Variants in ABLIM1 observed in about 807,000 individuals in gnomAD.
ABLIM1 encodes actin-binding LIM protein 1.
In ABLIM1, 40 loss-of-function variants were observed where a neutral mutation model predicts 107.0. That is an observed-to-expected ratio of 0.37 (90% confidence interval 0.29 to 0.49). The LOEUF is 0.49. Ranked by LOEUF, ABLIM1 falls within the 20% of genes least tolerant of loss-of-function variation. The pLI is 0.97. For synonymous variants in ABLIM1, 357 were observed against 357.3 expected (o/e 1.00, Z 0.01); for missense variants, 857 against 1,008.5 (o/e 0.85, Z 2.04).
intron 11 of ABLIM1, among the ~76,000 whole-genome samples, chr10:114,466,560 G>C (rs983576959): frequency 6.6e-6 from 1 of 152,082 alleles, no homozygotes; most frequent in African/African-American, 2.4e-5. Flanking sequence ...AGTTGGTATG[G>C]GCAGAGCCTG....
chr10:114,448,058 G>C, intron 14 of ABLIM1, 38 bp from the exon 15 acceptor site: 3 of 1,613,172 alleles, frequency 1.9e-6, no homozygotes, highest in Non-Finnish European at 2.5e-6. Context: ...CTTAGCTATT[G>C]GTCTGTAAGA....
At chr10:114,558,119 G>T (rs1295134112) in intron 4 of ABLIM1, among the ~76,000 whole-genome samples, 1 of 152,094 alleles carries the variant, frequency 6.6e-6, no homozygotes, top group Non-Finnish European at 1.5e-5. Context: ...TCTGTGCAGC[G>T]AGCAGCGGGA....
chr10:114,454,236 T>C (rs1198734340), intron 12 of ABLIM1, among the ~76,000 whole-genome samples: 4 of 152,116 alleles, frequency 2.6e-5, no homozygotes, highest in East Asian at 3.9e-4. Context: ...GAATGAGATA[T>C]AGTCCCTGCC....
intron 6 of ABLIM1, among the ~76,000 whole-genome samples, chr10:114,530,647 C>T (rs970384060): frequency 3.3e-5 from 5 of 152,114 alleles, no homozygotes. Flanking sequence ...AATTCTCGTG[C>T]CTCAGCCTCC....
intron 1 of ABLIM1, among the ~76,000 whole-genome samples, chr10:114,645,983 A>C (rs1196181936): frequency 1.3e-5 from 2 of 152,176 alleles, no homozygotes; most frequent in African/African-American, 2.4e-5. Context: ...ATTCAACCAA[A>C]GATTGTGCTA....
intron 6 of ABLIM1, among the ~76,000 whole-genome samples, chr10:114,510,538 T>G (rs964629923): frequency 6.6e-6 from 1 of 152,090 alleles, no homozygotes; most frequent in South Asian, 2.1e-4. Flanking sequence ...CTAATGGGCG[T>G]TGAACACATA....
chr10:114,792,621 C>T, the ABLIM1 span, among the ~76,000 whole-genome samples: 1 of 152,172 alleles, frequency 6.6e-6, no homozygotes, highest in Non-Finnish European at 1.5e-5. Flanking sequence ...TGGGATTCTC[C>T]TCTTCTCCTT....
intron 1 of ABLIM1, among the ~76,000 whole-genome samples, chr10:114,676,728 A>G (rs992617808): frequency 6.6e-6 from 1 of 151,992 alleles, no homozygotes; most frequent in Non-Finnish European, 1.5e-5. Flanking sequence ...AATCATATGT[A>G]TATAAAATCA....
chr10:114,769,268 T>C (rs114226155), upstream of ABLIM1, among the ~76,000 whole-genome samples: 862 of 147,582 alleles, frequency 5.8e-3, 10 homozygotes, highest in African/African-American at 0.015. Context: ...TGAGAATCGC[T>C]TGAGGTGGAG....
At chr10:114,792,417 T>C in the ABLIM1 span, among the ~76,000 whole-genome samples, 2 of 152,198 alleles carry the variant, frequency 1.3e-5, no homozygotes, top group Non-Finnish European at 2.9e-5. Context: ...TTTATTTCCT[T>C]CTTGATTATT....
Position 114,763,780 on chromosome 10 carries a change from A to G in ABLIM1, c.-213+4281T>C, listed in dbSNP as rs542991460. On this transcript the variant is annotated intron_variant, in intron 1 of 15. Coordinates refer to the ABLIM1 transcript ENST00000651092. ...CATTAGAGAAAATAAGCTCTAATTC[A>G]ATGGCTCCCAAGTCTGCCTGTACAT... Among the ~76,000 whole-genome samples the G allele has an allele frequency of 6.4e-4, 98 of 152,342 alleles. 3 individuals are homozygous for G. In the South Asian group the frequency reaches 0.019, roughly 30 times the overall value.
intron 1 of ABLIM1, chr10:114,632,194 C>T (rs2078232574): frequency 1.0e-6 from 1 of 985,328 alleles, no homozygotes; most frequent in African/African-American, 1.7e-5. Context: ...CGGCTGAAAC[C>T]ACTCGCTACA....
chr10:114,654,760 T>A (rs1164371818), intron 1 of ABLIM1, among the ~76,000 whole-genome samples: 1 of 152,210 alleles, frequency 6.6e-6, no homozygotes, highest in Non-Finnish European at 1.5e-5. Flanking sequence ...GGATGGGGAA[T>A]CTGAGCCTCC....
intron 1 of ABLIM1, among the ~76,000 whole-genome samples, chr10:114,641,060 A>G (rs11815255): frequency 0.015 from 2,282 of 152,016 alleles, 55 homozygotes; most frequent in African/African-American, 0.051. Context: ...TCAATTCACA[A>G]TAAAACAGGA....
intron 6 of ABLIM1, among the ~76,000 whole-genome samples, chr10:114,502,685 C>T (rs1240316293): frequency 1.3e-5 from 2 of 152,014 alleles, no homozygotes; most frequent in Admixed American, 1.3e-4. Context: ...TTAGTAGAGA[C>T]GGGGCTTTGC....
intron 14 of ABLIM1, among the ~76,000 whole-genome samples, chr10:114,449,255 C>T (rs548872506): frequency 6.6e-6 from 1 of 152,262 alleles, no homozygotes; most frequent in African/African-American, 2.4e-5. Flanking sequence ...TGCAAATCGG[C>T]CAGGGATGTC....
At position 114,528,093 on chromosome 10, in the gene ABLIM1, C is replaced by T. The variant is rs571581942; in HGVS notation, c.894+16912G>A. Reference sequence around the variant, plus strand: ...CCTTGTGATCCGCCCGCCTCAGCCTCCCAAAGTGCTGGGATTACAGGCGTG... The same window carrying T: ...CCTTGTGATCCGCCCGCCTCAGCCTTCCAAAGTGCTGGGATTACAGGCGTG... On this transcript the variant is annotated intron_variant, in intron 6 of 22. Transcript: ENST00000533213. Among the ~76,000 whole-genome samples, 39 of 152,280 alleles carry T rather than the reference C, an allele frequency of 2.6e-4. 1 individual carries two copies. The East Asian group carries it at 7.3e-3, about 29-fold the overall frequency.
chr10:114,706,168 T>C (rs1397709520), intron 1 of ABLIM1, among the ~76,000 whole-genome samples: 1 of 152,100 alleles, frequency 6.6e-6, no homozygotes, highest in Non-Finnish European at 1.5e-5. Flanking sequence ...AAGATATAAT[T>C]AGAGAAGGAG....
At chr10:114,785,332 A>G in the ABLIM1 span, among the ~76,000 whole-genome samples, 2 of 152,214 alleles carry the variant, frequency 1.3e-5, no homozygotes. Flanking sequence ...GACAATGAAT[A>G]ATGGTATGAA....
Sources: gnomAD v4.1 joint callset for allele counts (sites outside exome capture counted in the v4.1 genomes callset) on GRCh38, gnomAD v4.1.1 for gene constraint, MANE v1.5 for transcripts, NCBI Gene and HGNC (gene_info 2026-07-23, HGNC 2026-07-21) for gene names.